The following INPP5B variants were observed in gnomAD, a reference collection of about 807,000 sequenced individuals.
INPP5B encodes the protein inositol polyphosphate-5-phosphatase B.
Under a neutral mutation model 118.5 loss-of-function variants are expected in INPP5B, and 90 were observed. The ratio of observed to expected loss-of-function variants is 0.76; its 90% confidence interval spans 0.64 to 0.90. The LOEUF is 0.90. Among genes scored for constraint, INPP5B ranks in the 40% least tolerant of loss-of-function variants. The pLI, the probability that INPP5B is intolerant of heterozygous loss-of-function variation, is 0.00. For missense variants in INPP5B, 984 were observed against 1,125.6 expected (o/e 0.87, Z 1.80); for synonymous variants, 385 against 418.9 (o/e 0.92, Z 0.99).
intron 7 of INPP5B, chr1:37,931,297 A>C: frequency 1.7e-6 from 1 of 572,920 alleles, no homozygotes. Flanking sequence ...TAGGCAGGGC[A>C]CCACTCCCCC....
intron 7 of INPP5B, among the ~76,000 whole-genome samples, chr1:37,895,359 T>C (rs1357668585): frequency 1.3e-5 from 2 of 152,344 alleles, no homozygotes; most frequent in East Asian, 1.9e-4. Context: ...GGGTGCACCA[T>C]GGCTTGTGCC....
chr1:37,920,307 C>A (rs1444530371), intron 7 of INPP5B, among the ~76,000 whole-genome samples: 1 of 152,158 alleles, frequency 6.6e-6, no homozygotes, highest in East Asian at 1.9e-4. Flanking sequence ...TGCTTGGAAA[C>A]AAGTAATAAT....
At position 37,943,899 on chromosome 1, in the gene INPP5B, G is replaced by A; in HGVS notation, c.153-6C>T. 6.2e-7 allele frequency: 1 copy of A among 1,610,290 alleles called. No homozygotes were observed. Among genetic ancestry groups the A allele is most frequent in the Non-Finnish European group, 8.5e-7 (1 of 1,176,622 alleles). On this transcript the variant is annotated splice_polypyrimidine_tract_variant and splice_region_variant and intron_variant, in intron 3 of 23. Coordinates refer to ENST00000373024, the MANE Select transcript of INPP5B (RefSeq NM_005540.3). The stretch of plus-strand genomic sequence containing the variant: ...GGTGCGTATAGAGGAAGAGACTAAG[G>A]GCAGGAAGCAGAGGTGAGGATGGGG...
chr1:37,893,773 GC>G (rs989748726), intron 7 of INPP5B, among the ~76,000 whole-genome samples: 1 of 152,094 alleles, frequency 6.6e-6, no homozygotes, highest in African/African-American at 2.4e-5. Flanking sequence ...CACTGCTCTA[GC>G]CCCAATACTC....
intron 7 of INPP5B, among the ~76,000 whole-genome samples, chr1:37,892,982 G>A (rs1643889912): frequency 6.6e-6 from 1 of 151,670 alleles, no homozygotes; most frequent in Non-Finnish European, 1.5e-5. Flanking sequence ...CCAGCACCTT[G>A]ATCTTGGACT....
intron 7 of INPP5B, among the ~76,000 whole-genome samples, chr1:37,894,819 G>A (rs2148534750): frequency 6.6e-6 from 1 of 152,128 alleles, no homozygotes; most frequent in South Asian, 2.1e-4. Flanking sequence ...TGGGATTACG[G>A]GCATGAGCCA....
chr1:37,882,858 C>T lies in INPP5B; in HGVS notation c.1380G>A (p.Val460=). ...AGTCCTTCTCTTCGATGAGCTTTTTCACTTTTTCCACATCCAGCTCTTCTA... is the reference window on the plus strand; with the variant it reads ...AGTCCTTCTCTTCGATGAGCTTTTTTACTTTTTCCACATCCAGCTCTTCTA... ...YRIEELDVEK[V]KKLIEEKDFQ... The change falls in exon 14 of 24, where the codon GTG becomes GTA. Residue 460 remains valine, a synonymous_variant. Coordinates refer to ENST00000373024, the MANE Select transcript of INPP5B (RefSeq NM_005540.3). The T allele has an allele frequency of 6.2e-7, 1 of 1,614,094 alleles. No homozygotes were observed. The highest frequency in any genetic ancestry group is 8.5e-7 in the Non-Finnish European group (1 of 1,179,994).
intron 3 of INPP5B, 85 bp from the exon 4 acceptor site, chr1:37,943,978 G>A (rs1413939305): frequency 5.3e-6 from 5 of 943,290 alleles, no homozygotes; most frequent in East Asian, 2.4e-5. Flanking sequence ...GCTCACACTC[G>A]CTCGTTGGTC....
Position 37,940,784 on chromosome 1 carries a change from C to A in INPP5B, c.295G>T (p.Val99Phe), listed in dbSNP as rs200111067. 626 of 1,613,030 alleles carry A rather than the reference C, an allele frequency of 3.9e-4. 7 individuals carry two copies. In the South Asian group the frequency reaches 5.9e-3, roughly 15 times the overall value. The change falls in exon 6 of 24, where the codon GTC becomes TTC. Residue 99 changes from valine (V) to phenylalanine (F), a missense_variant. Val to Phe is a conservative substitution (Grantham distance 50). Transcript: ENST00000373024. ...ELYILGSDVTVQLDTAELSLV... is the reference protein window; with the variant it reads ...ELYILGSDVTFQLDTAELSLV... ...CTAAGCTCTGCTGTGTCCAGCTGGA[C>A]GGTCACATCTGAGCCTGCACAAAGG...
chr1:37,930,831 GC>G (rs1156432539), intron 7 of INPP5B: 1 of 152,240 alleles, frequency 6.6e-6, no homozygotes, highest in Non-Finnish European at 1.5e-5. Flanking sequence ...ACTTTACACA[GC>G]TACTTGACAG....
rs1642006420 is a variant in INPP5B, at chr1:37,865,992, T to C, written c.2387-104A>G. 3 of 1,537,322 alleles carry C rather than the reference T, an allele frequency of 2.0e-6. No homozygotes were observed. In the Admixed American group the frequency reaches 5.5e-5, roughly 28 times the overall value. On this transcript the variant is annotated intron_variant, in intron 21 of 23. Transcript: ENST00000373024. Reference sequence around the variant, plus strand: ...AAGTGCTGCCTGCCCTGTCAGGCTCTCTGCTCAGGGCTAGGATGCCAGCCT... The same window carrying C: ...AAGTGCTGCCTGCCCTGTCAGGCTCCCTGCTCAGGGCTAGGATGCCAGCCT...
intron 7 of INPP5B, among the ~76,000 whole-genome samples, chr1:37,901,088 G>A (rs1420045379): frequency 1.3e-5 from 2 of 152,198 alleles, no homozygotes; most frequent in African/African-American, 4.8e-5. Flanking sequence ...GGGATTACAG[G>A]CATGAGCCAC....
Position 37,880,103 on chromosome 1 carries a change from G to C in INPP5B, c.1523C>G (p.Ser508Cys), listed in dbSNP as rs1476156460. The C allele has an allele frequency of 1.2e-6, 2 of 1,609,490 alleles. No homozygotes were observed. The highest frequency in any genetic ancestry group is 1.3e-5 in the African/African-American group (1 of 74,994). ...FQPTYKYDTG[S>C]DDWDTSEKCR... The stretch of plus-strand genomic sequence containing the variant: ...GACCTACCTGGTATCCCAGTCGTCA[G>C]AGCCCGTATCATACTTGTAAGTAGG... Residue 508 changes from serine (S) to cysteine (C), a missense_variant, in exon 15 of 24, where the codon TCT (serine) becomes TGT (cysteine). Ser to Cys is a moderately radical substitution (Grantham distance 112). Transcript: ENST00000373024.
At position 37,864,182 on chromosome 1, in the gene INPP5B, T is replaced by TA. The variant is rs1211469673; in HGVS notation, c.2626+129dup. On this transcript the variant is annotated intron_variant, in intron 23 of 23. Transcript: ENST00000373024. ...TGTCCAAACGCAAAACTTTCTGCTT[T>TA]AAAAAATCTTTGCCCAGAGCTTGAT... 3 of 607,186 alleles carry TA rather than the reference T, an allele frequency of 4.9e-6. 1 individual carries two copies. Among genetic ancestry groups the TA allele is most frequent in the Middle Eastern group, 2.6e-4 (1 of 3,870 alleles). The allele number at this position is 607,186 out of a possible 1,614,324, so 37.6% of individuals were successfully genotyped here. A position where few individuals can be genotyped will look rare whatever the true frequency, so the allele number is the denominator to read the frequency against.
intron 7 of INPP5B, among the ~76,000 whole-genome samples, chr1:37,924,678 G>A (rs1370760241): frequency 6.6e-6 from 1 of 151,592 alleles, no homozygotes; most frequent in Admixed American, 6.6e-5. Flanking sequence ...AGGCAGAGGC[G>A]GGAAGATCAC....
Position 37,907,509 on chromosome 1 carries a change from C to T in INPP5B, c.533-16055G>A, listed in dbSNP as rs1331479556. Among the ~76,000 whole-genome samples, 1 of 152,176 alleles carries T rather than the reference C, an allele frequency of 6.6e-6. No individual in the cohort carries two copies. Among genetic ancestry groups the T allele is most frequent in the Admixed American group, 6.5e-5 (1 of 15,280 alleles). On this transcript the variant is annotated intron_variant, in intron 7 of 23. Transcript: ENST00000373024. The surrounding 1 kb of genome is among the most constrained non-coding windows in gnomAD (Gnocchi z 4.3). ...AGAGGCATTTGAACCACAGTAACTC[C>T]ATCTTGAATAGGGGCCAGGTAAAAT... is the stretch of plus-strand genomic sequence containing the variant.
intron 14 of INPP5B, among the ~76,000 whole-genome samples, chr1:37,880,547 C>A (rs1643134888): frequency 6.6e-6 from 1 of 152,046 alleles, no homozygotes; most frequent in Admixed American, 6.6e-5. Context: ...AAGTGATTCT[C>A]CTGCCTCAGT....
intron 7 of INPP5B, among the ~76,000 whole-genome samples, chr1:37,897,456 A>G (rs1401426882): frequency 2.0e-5 from 3 of 151,768 alleles, no homozygotes; most frequent in Non-Finnish European, 2.9e-5. Flanking sequence ...GCTCTCTGAA[A>G]CATGCGCTGT....
chr1:37,903,831 A>G (rs1002795437), intron 7 of INPP5B, among the ~76,000 whole-genome samples: 4 of 152,222 alleles, frequency 2.6e-5, no homozygotes, highest in African/African-American at 9.7e-5. Context: ...CAGAGGTTGC[A>G]GTGAGCCAAG....
Sources: gnomAD v4.1 joint callset for allele counts (sites outside exome capture counted in the v4.1 genomes callset) on GRCh38, gnomAD v4.1.1 for gene constraint, Gnocchi (gnomAD v3.1) non-coding constraint, MANE v1.5 for transcripts, NCBI Gene and HGNC (gene_info 2026-07-23, HGNC 2026-07-21) for gene names.